Variants in HYOU1 observed in about 807,000 individuals in gnomAD.
HYOU1 encodes the protein hypoxia up-regulated protein 1.
HYOU1 carries 40 observed loss-of-function variants against 120.5 expected under a neutral mutation model. The ratio of observed to expected loss-of-function variants is 0.33; its 90% confidence interval spans 0.26 to 0.43. The LOEUF (loss-of-function observed/expected upper bound fraction) is 0.43. Ranked by LOEUF, HYOU1 falls within the 20% of genes least tolerant of loss-of-function variation. HYOU1 has a pLI of 1.00. For missense variants in HYOU1, 1,085 were observed against 1,278.3 expected, an observed-to-expected ratio of 0.85 and a Z score of 2.31; for synonymous variants, 501 against 479.4, an observed-to-expected ratio of 1.05 and a Z score of -0.59.
chr11:119,055,413 A>T lies in HYOU1; in HGVS notation c.265-74T>A, dbSNP rs1592157246. On this transcript the variant is annotated intron_variant, in intron 4 of 25. Coordinates refer to ENST00000617285, the MANE Select transcript of HYOU1 (RefSeq NM_006389.5). This position sits in a 1 kb window ranked among gnomAD's most constrained non-coding sequence, Gnocchi z 4.0. ...ATTACCTACCTCTTACATCACAGAG[A>T]CTGATAAGGAAACAGACTCTGGGGG... 1.9e-6 allele frequency: 3 copies of T among 1,601,740 alleles called. No individual in the cohort carries two copies. Among genetic ancestry groups the T allele is most frequent in the Non-Finnish European group, 2.6e-6 (3 of 1,169,266 alleles).
chr11:119,045,687 C>A (rs782042727), intron 25 of HYOU1, 33 bp from the exon 26 acceptor site: 1 of 1,613,616 alleles, frequency 6.2e-7, no homozygotes, highest in South Asian at 1.1e-5. Flanking sequence ...AAGGAATCAC[C>A]GCAGGTGAAA....
At position 119,054,134 on chromosome 11, in the gene HYOU1, T is replaced by C. The variant is rs1944615241; in HGVS notation, c.781A>G (p.Ile261Val). 1 of 1,609,514 alleles carries C rather than the reference T, an allele frequency of 6.2e-7. No individual in the cohort carries two copies. The highest frequency in any genetic ancestry group is 1.3e-5 in the African/African-American group (1 of 74,838). Residue 261 changes from isoleucine to valine, a missense_variant, in exon 8 of 26, where the codon ATC becomes GTC. Physicochemically the swap from Ile to Val is conservative, Grantham distance 29. Around this residue, in one of 4 missense-constraint regions of HYOU1, gnomAD observed 515 missense variants for 677.8 expected, o/e 0.76. Transcript: ENST00000617285. The stretch of plus-strand genomic sequence containing the variant: ...GTATCCACTTACCCTACTCCCCGGA[T>C]CTGCAGCTGTGGCTGCATCCCAGCT... The part of the protein sequence containing the change: ...KEAGMQPQLQ[I>V]RGVGFDRTLG...
At chr11:119,049,247 G>C (rs2133571093) in intron 16 of HYOU1, 44 bp from the exon 17 acceptor site, 6 of 1,590,646 alleles carry the variant, frequency 3.8e-6, no homozygotes, top group South Asian at 2.3e-5. Context: ...CAGGAGCAGA[G>C]CCTCCAGGCA....
intron 6 of HYOU1, 70 bp from the exon 7 acceptor site, chr11:119,054,745 A>G (rs1944651955): frequency 6.7e-7 from 1 of 1,489,356 alleles, no homozygotes; most frequent in South Asian, 1.2e-5. Context: ...TCTGGTCACT[A>G]ATGACATTTT....
rs138488971 is a variant in HYOU1, at chr11:119,049,110, A to G, written c.1900T>C (p.Ser634Pro). Residue 634 changes from serine (S) to proline (P), a missense_variant, in exon 17 of 26, where the codon TCT becomes CCT. This residue lies in a region of HYOU1 where 516 missense variants were observed against 517.1 expected (regional missense o/e 1.00). Coordinates refer to ENST00000617285, the MANE Select transcript of HYOU1 (RefSeq NM_006389.5). ...EEAEAPVEDG[S>P]QPPPPEPKGD... ...TTAGGTTCAGGGGGTGGGGGCTGAG[A>G]GCCATCCTCCACTGGGGCCTCAGCT... 10 of 1,613,752 alleles carry G rather than the reference A, an allele frequency of 6.2e-6. No homozygotes were observed. Among genetic ancestry groups the G allele is most frequent in the Non-Finnish European group, 8.5e-6 (10 of 1,179,948 alleles).
At chr11:119,054,039 C>T in intron 8 of HYOU1, 82 bp downstream of exon 8, 1 of 826,112 alleles carries the variant, frequency 1.2e-6, no homozygotes, top group Non-Finnish European at 2.0e-6. Context: ...TGCAGGAAAG[C>T]AAAGCAGTGT....
chr11:119,046,878 C>T, intron 22 of HYOU1, 76 bp from the exon 23 acceptor site: 1 of 1,533,666 alleles, frequency 6.5e-7, no homozygotes, highest in Admixed American at 1.9e-5. Context: ...GGAATCACAC[C>T]CCCAACCAGC....
At chr11:119,050,292 A>C (rs2133578106) in intron 14 of HYOU1, among the ~76,000 whole-genome samples, 2 of 152,248 alleles carry the variant, frequency 1.3e-5, no homozygotes, top group South Asian at 4.1e-4. Flanking sequence ...AGGCGCCTGT[A>C]ATCCCAGCTA....
rs1356752485 is a variant in HYOU1, at chr11:119,048,799, G to C, written c.2080C>G (p.Arg694Gly). ...TCCACCCCGATCTCCTCTACCATTC[G>C]CCGCTTCCTGGCGGGCTTCTGCTTC... The part of the protein sequence containing the change: ...EKKQKPARKR[R>G]MVEEIGVELV... The change falls in exon 18 of 26, where the codon CGA becomes GGA. Residue 694 changes from arginine (R) to glycine (G), a missense_variant. Physicochemically the swap from Arg to Gly is moderately radical, Grantham distance 125. Transcript: ENST00000617285. This position sits in a 1 kb window ranked among gnomAD's most constrained non-coding sequence, Gnocchi z 4.7. 4.3e-6 allele frequency: 7 copies of C among 1,613,930 alleles called. No homozygotes were observed. Among genetic ancestry groups the C allele is most frequent in the Non-Finnish European group, 5.9e-6 (7 of 1,180,014 alleles).
At position 119,045,074 on chromosome 11, in the gene HYOU1, A is replaced by AG. The variant is rs1491276605; in HGVS notation, c.*518dup. The AG allele has an allele frequency of 2.2e-6, 1 of 449,432 alleles. No homozygotes were observed. The highest frequency in any genetic ancestry group is 2.4e-5 in the Admixed American group (1 of 42,464). 27.8% of individuals were successfully genotyped at this position (449,432 alleles called of 1,614,324 possible). ...GAATGGGGAAGGGAGGCTCAGAGCA[A>AG]GAGAAGCCCGCAGAGGGAGGAAAGA... is the stretch of plus-strand genomic sequence containing the variant. On this transcript the variant is annotated 3_prime_UTR_variant, in exon 26 of 26. Transcript: ENST00000617285.
At chr11:119,054,334 ACAC>A in intron 7 of HYOU1, 98 bp from the exon 8 acceptor site, 4 of 1,224,288 alleles carry the variant, frequency 3.3e-6, no homozygotes, top group Non-Finnish European at 4.8e-6. Flanking sequence ...CTGACTCTTA[ACAC>A]AAAACTAAAC....
At position 119,048,840 on chromosome 11, in the gene HYOU1, G is replaced by A; in HGVS notation, c.2039C>T (p.Ala680Val). 1 of 1,613,716 alleles carries A rather than the reference G, an allele frequency of 6.2e-7. No individual in the cohort carries two copies. The highest frequency in any genetic ancestry group is 8.5e-7 in the Non-Finnish European group (1 of 1,179,904). ...CTTCTGCTTCTTCTCTCCCTCTGGG[G>A]CTGGAGCGACGCCCTCAGGCCCTGC... is the stretch of plus-strand genomic sequence containing the variant. ...AEAGPEGVAP[A>V]PEGEKKQKPA... The change falls in exon 18 of 26, where the codon GCC becomes GTC. Residue 680 changes from alanine to valine, a missense_variant. Ala to Val is a moderately conservative substitution (Grantham distance 64). Transcript: ENST00000617285. The surrounding 1 kb of genome is among the most constrained non-coding windows in gnomAD (Gnocchi z 4.7).
chr11:119,045,874 A>G, intron 24 of HYOU1, 43 bp from the exon 25 acceptor site: 1 of 1,602,374 alleles, frequency 6.2e-7, no homozygotes, highest in Non-Finnish European at 8.5e-7. Context: ...GAAGGGAGGA[A>G]GAGGCTAAGG....
At position 119,052,289 on chromosome 11, in the gene HYOU1, G is replaced by A. The variant is rs2133591771; in HGVS notation, c.1122+6C>T. 14 of 1,613,976 alleles carry A rather than the reference G, an allele frequency of 8.7e-6. No homozygotes were observed. The highest frequency in any genetic ancestry group is 6.7e-5 in the African/African-American group (5 of 74,906). On this transcript the variant is annotated splice_donor_region_variant and intron_variant, in intron 10 of 25. Transcript: ENST00000617285. The surrounding 1 kb of genome is among the most constrained non-coding windows in gnomAD (Gnocchi z 5.0). Reference sequence around the variant, plus strand: ...GGGGCATTCCCGCCTTCCCCTACTCGCTCACCAGACTCATTTCGGCACTCT... The same window carrying A: ...GGGGCATTCCCGCCTTCCCCTACTCACTCACCAGACTCATTTCGGCACTCT...
chr11:119,048,176 T>TTC lies in HYOU1; in HGVS notation c.2376+70_2376+71dup. On this transcript the variant is annotated intron_variant, in intron 20 of 25. Transcript: ENST00000617285. The surrounding 1 kb of genome is among the most constrained non-coding windows in gnomAD (Gnocchi z 4.7). ...TCTTTATGGGCTCAAGCCCCAGCTC[T>TTC]TCTCTCTCTCTGACCCTGGGAGAGG... 1.2e-6 allele frequency: 2 copies of TTC among 1,608,726 alleles called. No individual in the cohort carries two copies. The highest frequency in any genetic ancestry group is 1.7e-6 in the Non-Finnish European group (2 of 1,178,034).
At chr11:119,056,742 C>T (rs937862513) in intron 1 of HYOU1, 1 of 235,502 alleles carries the variant, frequency 4.2e-6, no homozygotes, top group Non-Finnish European at 8.6e-6. Context: ...AGACGCAGTG[C>T]CAGGGGCGGT....
chr11:119,052,038 A>G lies in HYOU1; in HGVS notation c.1205+52T>C. 2.5e-6 allele frequency: 4 copies of G among 1,613,948 alleles called. No individual in the cohort carries two copies. Among genetic ancestry groups the G allele is most frequent in the Non-Finnish European group, 3.4e-6 (4 of 1,179,882 alleles). On this transcript the variant is annotated intron_variant, in intron 11 of 25. Coordinates refer to ENST00000617285, the MANE Select transcript of HYOU1 (RefSeq NM_006389.5). This position sits in a 1 kb window ranked among gnomAD's most constrained non-coding sequence, Gnocchi z 5.0. ...CCTCAGCCCTCCAGCTGCTCAGCCC[A>G]AAGCCCTGCCCCAGGCAGAACTCAG...
chr11:119,054,122 C>A lies in HYOU1; in HGVS notation c.793G>T (p.Gly265Ter). The A allele has an allele frequency of 6.2e-7, 1 of 1,604,870 alleles. No individual in the cohort carries two copies. Among genetic ancestry groups the A allele is most frequent in the South Asian group, 1.1e-5 (1 of 90,818 alleles). ...MQPQLQIRGVGFDRTLGGLEM... is the reference protein window; with the variant it reads ...MQPQLQIRGV The stretch of plus-strand genomic sequence containing the variant: ...CCTCCCTGCCAAGTATCCACTTACC[C>A]TACTCCCCGGATCTGCAGCTGTGGC... Residue 265 changes from glycine (G) to a stop codon, truncating the protein, a stop_gained and splice_region_variant, in exon 8 of 26, where the codon GGA becomes TGA. Coordinates refer to ENST00000617285, the MANE Select transcript of HYOU1 (RefSeq NM_006389.5). LOFTEE classifies it high-confidence loss of function.
chr11:119,047,527 C>T, intron 22 of HYOU1: 1 of 547,288 alleles, frequency 1.8e-6, no homozygotes, highest in Non-Finnish European at 3.3e-6. Flanking sequence ...ATGGGATGGG[C>T]TTTTTTGCTC....
Sources: gnomAD v4.1 joint callset for allele counts (sites outside exome capture counted in the v4.1 genomes callset) on GRCh38, gnomAD v4.1.1 for gene constraint, gnomAD v4.1.1 regional missense constraint, Gnocchi (gnomAD v3.1) non-coding constraint, MANE v1.5 for transcripts, NCBI Gene and HGNC (gene_info 2026-07-23, HGNC 2026-07-21) for gene names.